Variants in SPTAN1 observed in about 807,000 individuals in gnomAD.
SPTAN1 encodes the protein spectrin alpha chain, non-erythrocytic 1.
In SPTAN1, 61 loss-of-function variants were observed where a neutral mutation model predicts 331.3. The ratio of observed to expected loss-of-function variants is 0.18; its 90% confidence interval spans 0.15 to 0.23. The LOEUF (loss-of-function observed/expected upper bound fraction) is 0.23. SPTAN1 is among the 10% of genes least tolerant of loss of function. SPTAN1 has a pLI of 1.00. For synonymous variants in SPTAN1, 1,153 were observed against 1,173.9 expected, an observed-to-expected ratio of 0.98 and a Z score of 0.36; for missense variants, 2,043 against 3,147.9, an observed-to-expected ratio of 0.65 and a Z score of 8.40.
chr9:128,626,296 C>CT, intron 48 of SPTAN1, 95 bp from the exon 49 acceptor site: 1 of 1,474,654 alleles, frequency 6.8e-7, no homozygotes, highest in Non-Finnish European at 9.4e-7. Context: ...GTGTGCGCCT[C>CT]TGATTCCCAG....
At position 128,605,130 on chromosome 9, in the gene SPTAN1, A is replaced by G. The variant is rs745997127; in HGVS notation, c.3816A>G (p.Gln1272=). The G allele has an allele frequency of 1.9e-5, 30 of 1,613,862 alleles. No individual in the cohort carries two copies. The highest frequency in any genetic ancestry group is 2.5e-5 in the Non-Finnish European group (29 of 1,179,998). The change falls in exon 30 of 57, where the codon CAA becomes CAG. Residue 1272 remains glutamine (Q), a synonymous_variant. Transcript: ENST00000372739. ...ATCTCGCCAGTGTCCAGGCCCTGCA[A>G]CGCAAGCATGAGGGCTTCGAGAGGG... ...GHDLASVQAL[Q]RKHEGFERDL...
In SPTAN1 at chr9:128,627,735, G is replaced by T; in HGVS notation, c.6690-190G>T. 1.2e-6 allele frequency: 1 copy of T among 824,296 alleles called. No homozygotes were observed. Among genetic ancestry groups the T allele is most frequent in the South Asian group, 1.4e-5 (1 of 69,732 alleles). The allele number at this position is 824,296 out of a possible 1,614,324, so 51.1% of individuals were successfully genotyped here. On this transcript the variant is annotated intron_variant, in intron 50 of 56. Coordinates refer to ENST00000372739, the MANE Select transcript of SPTAN1 (RefSeq NM_001130438.3). The surrounding 1 kb of genome is among the most constrained non-coding windows in gnomAD (Gnocchi z 4.9). ...AGTTGTTAGAGATCCCGGATTGAGT[G>T]GGACCATGCAGGGCGCGTGGTCAGC...
Position 128,611,945 on chromosome 9 carries a change from G to A in SPTAN1, c.4905+100G>A, listed in dbSNP as rs1373654950. The stretch of plus-strand genomic sequence containing the variant: ...ACATACAGTCTTAAGACACTAAATG[G>A]ATTATAGAAGACTTTAGGCTGAATT... On this transcript the variant is annotated intron_variant, in intron 38 of 56. Transcript: ENST00000372739. 6 of 1,604,170 alleles carry A rather than the reference G, an allele frequency of 3.7e-6. No individual in the cohort carries two copies. In the African/African-American group the frequency reaches 5.4e-5, roughly 14 times the overall value.
At chr9:128,630,014 C>A (rs1859435838) in intron 51 of SPTAN1, 3 of 484,296 alleles carry the variant, frequency 6.2e-6, no homozygotes, top group Non-Finnish European at 7.9e-6. Context: ...GGCCTGCAGC[C>A]ACCCTGCACC....
intron 1 of SPTAN1, among the ~76,000 whole-genome samples, chr9:128,560,176 C>T (rs542248962): frequency 9.4e-4 from 142 of 150,488 alleles, no homozygotes; most frequent in Non-Finnish European, 1.7e-3. Flanking sequence ...CTCAGCCTCC[C>T]GGGTTCTGGC....
At position 128,631,446 on chromosome 9, in the gene SPTAN1, C is replaced by G. The variant is rs576966005; in HGVS notation, c.6763-681C>G. ...TGCACTCCAGCCTGGGTGACAAGAGCAAAACTCCCTCTGAAAAAAATTACT... is the reference window on the plus strand; with the variant it reads ...TGCACTCCAGCCTGGGTGACAAGAGGAAAACTCCCTCTGAAAAAAATTACT... On this transcript the variant is annotated intron_variant, in intron 52 of 56. Transcript: ENST00000372739. 220 of 152,368 alleles carry G rather than the reference C, an allele frequency of 1.4e-3. 1 individual carries two copies. The highest frequency in any genetic ancestry group is 2.7e-3 in the South Asian group (13 of 4,818). The allele number at this position is 152,368 out of a possible 1,614,324, so 9.4% of individuals were successfully genotyped here.
rs774862492 is a variant in SPTAN1 at position 128,585,921 on chromosome 9, A to C, written c.2734A>C (p.Ile912Leu). Residue 912 changes from isoleucine to leucine, a missense_variant, in exon 19 of 57, where the codon ATT becomes CTT. Coordinates refer to ENST00000372739, the MANE Select transcript of SPTAN1 (RefSeq NM_001130438.3). ...ATCCTGGATGCGGGAGAAGGAACCC[A>C]TTGTGGGCAGCACTGACTATGGCAA... ...AESWMREKEP[I>L]VGSTDYGKDE... is the part of the protein sequence containing the mutation. The C allele has an allele frequency of 6.2e-7, 1 of 1,613,332 alleles. No homozygotes were observed. The highest frequency in any genetic ancestry group is 2.2e-5 in the East Asian group (1 of 44,880).
At chr9:128,586,112 GTTTTTTTTTTTTTTTT>G in intron 19 of SPTAN1, 147 bp downstream of exon 19, 1 of 265,408 alleles carries the variant, frequency 3.8e-6, no homozygotes, top group Admixed American at 6.3e-5. Context: ...TTTTCACTTG[GTTTTTTTTTTTTTTTT>G]TTTTTTTTTG....
chr9:128,600,661 T>TTTTTG (rs1434359207), intron 27 of SPTAN1, among the ~76,000 whole-genome samples: 2 of 152,158 alleles, frequency 1.3e-5, no homozygotes, highest in Non-Finnish European at 2.9e-5. Context: ...AAGGTGTGTT[T>TTTTTG]TTTTGTTTTG....
chr9:128,572,457 G>C (rs1341354391), intron 3 of SPTAN1, among the ~76,000 whole-genome samples: 1 of 122,378 alleles, frequency 8.2e-6, no homozygotes, highest in Non-Finnish European at 1.7e-5. Context: ...TCCAGTACTG[G>C]GACAGGCCTT....
At chr9:128,632,090 G>A (rs745384778) in intron 52 of SPTAN1, 37 bp from the exon 53 acceptor site, 3 of 1,605,458 alleles carry the variant, frequency 1.9e-6, no homozygotes, top group African/African-American at 2.7e-5. Flanking sequence ...TGAGCTGAGG[G>A]CCCCCGTCTG....
chr9:128,565,196 G>A (rs1347846936), intron 1 of SPTAN1, among the ~76,000 whole-genome samples: 3 of 152,194 alleles, frequency 2.0e-5, no homozygotes, highest in African/African-American at 2.4e-5. Flanking sequence ...CCCGCTACTC[G>A]GGAGGCTGAG....
Position 128,588,949 on chromosome 9 carries a change from G to A in SPTAN1, c.3006+6G>A, listed in dbSNP as rs2131267970. ...TACTCAACAGCACCAACAAGGCAAG[G>A]CACAGAGAGTGGCTGTGTGTTTGTT... is the stretch of plus-strand genomic sequence containing the variant. On this transcript the variant is annotated splice_donor_region_variant and intron_variant, in intron 21 of 56. Coordinates refer to ENST00000372739, the MANE Select transcript of SPTAN1 (RefSeq NM_001130438.3). 3 of 1,613,840 alleles carry A rather than the reference G, an allele frequency of 1.9e-6. No individual in the cohort carries two copies. Among genetic ancestry groups the A allele is most frequent in the Non-Finnish European group, 2.5e-6 (3 of 1,179,914 alleles).
At chr9:128,576,371 A>G (rs1851304182) in intron 5 of SPTAN1, among the ~76,000 whole-genome samples, 1 of 152,152 alleles carries the variant, frequency 6.6e-6, no homozygotes, top group South Asian at 2.1e-4. Context: ...CCTGTCTCAA[A>G]AAAGAAAAAA....
chr9:128,564,254 A>G (rs1849746566), intron 1 of SPTAN1, among the ~76,000 whole-genome samples: 1 of 152,162 alleles, frequency 6.6e-6, no homozygotes, highest in African/African-American at 2.4e-5. Context: ...CCCCGTCTCT[A>G]CTAAAAATAC....
chr9:128,616,830 GCTGAGGCAGGAGA>G (rs1857226032), intron 41 of SPTAN1, among the ~76,000 whole-genome samples: 2 of 152,320 alleles, frequency 1.3e-5, no homozygotes, highest in South Asian at 4.1e-4. Flanking sequence ...TACTCAGGAG[GCTGAGGCAGGAGA>G]ATGATTTGAA....
Position 128,575,241 on chromosome 9 carries a change from C to T in SPTAN1, c.547C>T (p.His183Tyr). The change falls in exon 5 of 57, where the codon CAT becomes TAT. Residue 183 changes from histidine to tyrosine, a missense_variant. By Grantham distance (83) the His-to-Tyr change is moderately conservative. Coordinates refer to ENST00000372739, the MANE Select transcript of SPTAN1 (RefSeq NM_001130438.3). ...TSEELGQDLE[H>Y]VEVLQKKFEE... ...TGAAGAGCTGGGCCAGGATCTGGAG[C>T]ATGTAGAGGTTTTACAGAAGAAATT... 6.2e-7 allele frequency: 1 copy of T among 1,614,068 alleles called. No individual in the cohort carries two copies. Among genetic ancestry groups the T allele is most frequent in the Non-Finnish European group, 8.5e-7 (1 of 1,180,024 alleles).
intron 53 of SPTAN1, 37 bp downstream of exon 53, chr9:128,632,360 G>A (rs376859845): frequency 6.2e-7 from 1 of 1,613,646 alleles, no homozygotes; most frequent in African/African-American, 1.3e-5. Context: ...TCAGCCCAGA[G>A]CAGGGGGAGG....
intron 29 of SPTAN1, 74 bp downstream of exon 29, chr9:128,604,491 T>A: frequency 6.9e-7 from 1 of 1,454,390 alleles, no homozygotes. Flanking sequence ...CCAAGCTTGC[T>A]GACTGAGATC....
Sources: allele counts gnomAD v4.1 joint callset (sites outside exome capture counted in the v4.1 genomes callset), GRCh38; gene constraint gnomAD v4.1.1; non-coding constraint Gnocchi (gnomAD v3.1); transcripts MANE v1.5; gene names NCBI Gene and HGNC (gene_info 2026-07-23, HGNC 2026-07-21).